RAC1: variants seen among roughly 807,000 people sequenced by gnomAD.
RAC1 encodes the protein Rac family small GTPase 1.
In RAC1, 2 loss-of-function variants were observed where a neutral mutation model predicts 25.2. That is an observed-to-expected ratio of 0.08 (90% CI 0.03 to 0.25). The LOEUF is 0.25. Ranked by LOEUF, RAC1 falls within the 10% of genes least tolerant of loss-of-function variation. The pLI is 1.00. For synonymous variants in RAC1, 88 were observed against 94.0 expected (o/e 0.94, Z 0.37); for missense variants, 50 against 235.7 (o/e 0.21, Z 5.16).
chr7:6,377,794 A>G (rs836490), intron 1 of RAC1, among the ~76,000 whole-genome samples: 20,376 of 151,944 alleles, frequency 0.13, 2,590 homozygotes, highest in East Asian at 0.56. Flanking sequence ...AATCCTAGCT[A>G]TTCAGGAGGT....
intron 4 of RAC1, 74 bp from the exon 5 acceptor site, chr7:6,401,794 C>T (rs546929328): frequency 1.5e-5 from 23 of 1,509,142 alleles, no homozygotes; most frequent in African/African-American, 6.9e-5. Context: ...TGAGTGCCGC[C>T]GGCTGGGTGT....
chr7:6,393,000 G>A (rs906722288), intron 3 of RAC1, among the ~76,000 whole-genome samples: 3 of 152,170 alleles, frequency 2.0e-5, no homozygotes, highest in Non-Finnish European at 2.9e-5. Context: ...CGGGTGGGTC[G>A]GCCTAAAGAG....
rs781476257 is a variant in RAC1 at position 6,400,161 on chromosome 7, T to C, written c.261T>C (p.Pro87=). The change falls in exon 4 of 6, where the codon CCT becomes CCC. Residue 87 remains proline (P), a synonymous_variant. Coordinates refer to ENST00000348035, the MANE Select transcript of RAC1 (RefSeq NM_006908.5). Reference sequence around the variant, plus strand: ...TAATTTGCTTTTCCCTTGTGAGTCCTGCATCATTTGAAAATGTCCGTGCAA... The same window carrying C: ...TAATTTGCTTTTCCCTTGTGAGTCCCGCATCATTTGAAAATGTCCGTGCAA... The part of the protein sequence containing the change: ...VFLICFSLVS[P]ASFENVRAKW... 3 of 1,611,642 alleles carry C rather than the reference T, an allele frequency of 1.9e-6. No individual in the cohort carries two copies. The highest frequency in any genetic ancestry group is 8.5e-7 in the Non-Finnish European group (1 of 1,178,910).
intron 1 of RAC1, among the ~76,000 whole-genome samples, chr7:6,385,980 T>A (rs774236008): frequency 6.6e-6 from 1 of 152,166 alleles, no homozygotes; most frequent in Non-Finnish European, 1.5e-5. Context: ...GACCTTTATG[T>A]TTTGCTAATG....
At chr7:6,395,095 C>G (rs896055844) in intron 3 of RAC1, among the ~76,000 whole-genome samples, 7 of 152,080 alleles carry the variant, frequency 4.6e-5, no homozygotes, top group African/African-American at 1.7e-4. Flanking sequence ...AGCTTGTGAT[C>G]CGCCCGCCTT....
At chr7:6,386,830 C>A (rs1324810114) in intron 1 of RAC1, among the ~76,000 whole-genome samples, 1 of 150,836 alleles carries the variant, frequency 6.6e-6, no homozygotes, top group South Asian at 2.1e-4. Flanking sequence ...AAGAAAATAT[C>A]TTCAGGATCA....
chr7:6,393,420 A>G (rs1476288051), intron 3 of RAC1, among the ~76,000 whole-genome samples: 1 of 152,142 alleles, frequency 6.6e-6, no homozygotes, highest in Non-Finnish European at 1.5e-5. Context: ...ATTCTGAGAA[A>G]CAAGAGCCAC....
intron 1 of RAC1, among the ~76,000 whole-genome samples, chr7:6,385,158 C>A (rs983665555): frequency 2.0e-5 from 3 of 152,104 alleles, no homozygotes. Flanking sequence ...TGTACATTTC[C>A]AGAGCTGCTT....
intron 1 of RAC1, among the ~76,000 whole-genome samples, chr7:6,380,363 A>T (rs10499343): frequency 0.16 from 21,994 of 141,454 alleles, 1,802 homozygotes; most frequent in Admixed American, 0.23. Flanking sequence ...TGATAAGCCA[A>T]AAAAATTATA....
chr7:6,402,173 T>C, intron 5 of RAC1, 143 bp from the exon 6 acceptor site: 2 of 1,442,482 alleles, frequency 1.4e-6, no homozygotes, highest in Non-Finnish European at 1.9e-6. Context: ...GCCCTGTGGG[T>C]CTTAACGTCA....
chr7:6,383,402 T>C (rs897820961), intron 1 of RAC1, among the ~76,000 whole-genome samples: 4 of 149,814 alleles, frequency 2.7e-5, no homozygotes, highest in Non-Finnish European at 4.4e-5. Context: ...TTTTATCTTT[T>C]GATTGCACTA....
rs1783274932 is a variant in RAC1, at chr7:6,397,388, G to A, written c.226-2738G>A. 2.6e-5 allele frequency among the ~76,000 whole-genome samples: 4 copies of A among 151,944 alleles called. No homozygotes were observed. The South Asian group carries it at 6.3e-4, about 24-fold the overall frequency. On this transcript the variant is annotated intron_variant, in intron 3 of 5. Transcript: ENST00000348035. ...CGCCTCACTGCAACCTCCACCTCCCGGGTTCAAGCAGTTCTCTGCCTCAGC... is the reference window on the plus strand; with the variant it reads ...CGCCTCACTGCAACCTCCACCTCCCAGGTTCAAGCAGTTCTCTGCCTCAGC...
chr7:6,374,787 G>T lies in RAC1; in HGVS notation c.35+17G>T. The T allele has an allele frequency of 3.6e-6, 4 of 1,126,222 alleles. No individual in the cohort carries two copies. Among genetic ancestry groups the T allele is most frequent in the South Asian group, 3.8e-5 (1 of 26,634 alleles). 69.8% of individuals were successfully genotyped at this position (1,126,222 alleles called of 1,614,324 possible). On this transcript the variant is annotated intron_variant, in intron 1 of 5. Transcript: ENST00000348035. ...GGGAGACGGGTGAGTGCGCGGCCGG[G>T]GCCGGGCTGGAGGCCGCGGGATCGG...
rs1365870154 is a variant in RAC1, at chr7:6,388,662, ATGCTGTCCC to A, written c.107+1382_107+1390del. On this transcript the variant is annotated intron_variant, in intron 2 of 5. Coordinates refer to ENST00000348035, the MANE Select transcript of RAC1 (RefSeq NM_006908.5). ...CCCATTTTTTACTGTAAGTGGAATC[ATGCTGTCCC>A]TGTTGTCCTAAATTTATGGGGGAGA... 2.0e-5 allele frequency among the ~76,000 whole-genome samples: 3 copies of A among 152,174 alleles called. No homozygotes were observed. The East Asian group carries it at 5.8e-4, about 30-fold the overall frequency.
intron 4 of RAC1, chr7:6,401,620 A>C: frequency 3.4e-6 from 1 of 298,012 alleles, no homozygotes; most frequent in Non-Finnish European, 6.2e-6. Context: ...CTGCGGTTGT[A>C]GAGCCCGTTC....
At chr7:6,380,603 T>C (rs916535068) in intron 1 of RAC1, among the ~76,000 whole-genome samples, 2 of 152,228 alleles carry the variant, frequency 1.3e-5, no homozygotes, top group African/African-American at 4.8e-5. Flanking sequence ...TGAAAGGAGA[T>C]GTTTTTGTCA....
intron 1 of RAC1, among the ~76,000 whole-genome samples, chr7:6,382,869 G>A (rs901451106): frequency 2.0e-5 from 3 of 152,306 alleles, no homozygotes; most frequent in East Asian, 3.9e-4. Context: ...CCAAGACTCC[G>A]TCTTAAAGTT....
chr7:6,386,687 G>A (rs34414425), intron 1 of RAC1, among the ~76,000 whole-genome samples: 25,431 of 151,382 alleles, frequency 0.17, 2,495 homozygotes, highest in East Asian at 0.23. Flanking sequence ...GGGAGGCTGA[G>A]GCAGGAGAAT....
chr7:6,392,319 A>AAACCAGTTTTT (rs1783111291), intron 3 of RAC1, among the ~76,000 whole-genome samples: 1 of 152,168 alleles, frequency 6.6e-6, no homozygotes. Flanking sequence ...TTGTTTTTGC[A>AAACCAGTTTTT]AACCAGTTTT....
Sources: gnomAD v4.1 joint callset for allele counts (sites outside exome capture counted in the v4.1 genomes callset) on GRCh38, gnomAD v4.1.1 for gene constraint, MANE v1.5 for transcripts, NCBI Gene and HGNC (gene_info 2026-07-23, HGNC 2026-07-21) for gene names.